DOCK4: variants seen among roughly 807,000 people sequenced by gnomAD.
DOCK4 encodes dedicator of cytokinesis 4.
DOCK4 carries 97 observed loss-of-function variants against 268.1 expected under a neutral mutation model. The ratio of observed to expected loss-of-function variants is 0.36; its 90% CI spans 0.31 to 0.43. The LOEUF (loss-of-function observed/expected upper bound fraction) is 0.43. DOCK4 is among the 20% of genes least tolerant of loss of function. DOCK4 has a pLI of 1.00. For synonymous variants in DOCK4, 954 were observed against 887.2 expected (o/e 1.08, Z -1.34); for missense variants, 2,145 against 2,455.7 (o/e 0.87, Z 2.67).
chr7:111,806,686 C>A (rs1024098461), intron 30 of DOCK4, among the ~76,000 whole-genome samples: 3 of 152,134 alleles, frequency 2.0e-5, no homozygotes, highest in Admixed American at 2.0e-4. Context: ...ATAAGAATCA[C>A]CTGGAAAACT....
rs568114347 is a variant in DOCK4, at chr7:112,113,824, G to A, written c.37+92278C>T. ...TTGTTAGGCTGTTCTCAAACTTCTG[G>A]CCTTAGTGACCCTCCTGCCTTGTCC... is the stretch of plus-strand genomic sequence containing the variant. On this transcript the variant is annotated intron_variant, in intron 1 of 52. Transcript: ENST00000428084. Among the ~76,000 whole-genome samples, 18 of 123,448 alleles carry A rather than the reference G, an allele frequency of 1.5e-4. No homozygotes were observed. In the South Asian group the frequency reaches 4.9e-3, roughly 34 times the overall value. The allele number at this position is 123,448 out of a possible 152,430, so 81.0% of individuals were successfully genotyped here. A position where few individuals can be genotyped will look rare whatever the true frequency, so the allele number is the denominator to read the frequency against.
At chr7:112,042,916 A>C (rs1804516381) in intron 1 of DOCK4, among the ~76,000 whole-genome samples, 3 of 152,172 alleles carry the variant, frequency 2.0e-5, no homozygotes, top group Non-Finnish European at 2.9e-5. Flanking sequence ...GTTGTTACAA[A>C]GCAAGCTCAG....
chr7:112,202,460 G>A (rs1354970661), intron 1 of DOCK4, among the ~76,000 whole-genome samples: 2 of 152,110 alleles, frequency 1.3e-5, no homozygotes, highest in Admixed American at 6.5e-5. Context: ...GTGCTAGAAT[G>A]GATTTTAAAT....
At chr7:112,160,920 G>A (rs1362749027) in intron 1 of DOCK4, among the ~76,000 whole-genome samples, 2 of 152,192 alleles carry the variant, frequency 1.3e-5, no homozygotes, top group South Asian at 2.1e-4. Flanking sequence ...AGCAGGACTC[G>A]AGGCCCCCCA....
At chr7:112,034,771 G>A (rs762568562) in intron 1 of DOCK4, among the ~76,000 whole-genome samples, 19 of 152,194 alleles carry the variant, frequency 1.2e-4, no homozygotes, top group Admixed American at 7.9e-4. Flanking sequence ...GTGTGGTGGC[G>A]TGCACCTGTA....
chr7:111,941,224 G>A (rs534583869), intron 10 of DOCK4, among the ~76,000 whole-genome samples: 10 of 152,250 alleles, frequency 6.6e-5, no homozygotes, highest in Non-Finnish European at 1.5e-4. Context: ...CTGCTTTTCA[G>A]ATGTGCAAAA....
At chr7:111,811,425 T>TA (rs1179435754) in intron 28 of DOCK4, among the ~76,000 whole-genome samples, 2 of 152,166 alleles carry the variant, frequency 1.3e-5, no homozygotes, top group Non-Finnish European at 2.9e-5. Flanking sequence ...CATATCACAT[T>TA]ATATCATAGA....
chr7:111,791,457 G>GT lies in DOCK4; in HGVS notation c.3167-853dup, dbSNP rs934150073. ...TTTTTCTCGAGTGTCTGTTTTTTTT[G>GT]TTTTTTTTTTGACATGGAGTCTTGC... On this transcript the variant is annotated intron_variant, in intron 30 of 52. Coordinates refer to ENST00000428084, the MANE Select transcript of DOCK4 (RefSeq NM_001363540.2). Among the ~76,000 whole-genome samples the GT allele has an allele frequency of 2.7e-3, 395 of 145,260 alleles. 3 individuals carry two copies. The highest frequency in any genetic ancestry group is 3.5e-3 in the Middle Eastern group (1 of 284).
intron 10 of DOCK4, among the ~76,000 whole-genome samples, chr7:111,943,683 C>A (rs1795379921): frequency 1.3e-5 from 2 of 152,030 alleles, no homozygotes; most frequent in African/African-American, 4.8e-5. Flanking sequence ...TTCATAGACT[C>A]ATTTATAAAA....
At chr7:111,905,714 C>T (rs976817251) in intron 13 of DOCK4, among the ~76,000 whole-genome samples, 7 of 130,078 alleles carry the variant, frequency 5.4e-5, no homozygotes, top group East Asian at 4.1e-4. Flanking sequence ...TGTGTGTGCA[C>T]GTGTATTGCG....
intron 14 of DOCK4, 60 bp from the exon 15 acceptor site, chr7:111,900,596 G>C: frequency 6.5e-7 from 1 of 1,535,994 alleles, no homozygotes; most frequent in Non-Finnish European, 8.8e-7. Flanking sequence ...TTTTGAAAAG[G>C]CAGAGCAATC....
chr7:111,862,908 G>A, intron 23 of DOCK4: 1 of 167,152 alleles, frequency 6.0e-6, no homozygotes. Context: ...ATTTATTCGG[G>A]AAAAAAAAAC....
intron 42 of DOCK4, among the ~76,000 whole-genome samples, chr7:111,752,434 T>C (rs1244943958): frequency 6.6e-6 from 1 of 152,078 alleles, no homozygotes; most frequent in Non-Finnish European, 1.5e-5. Flanking sequence ...GTATACAGTA[T>C]TTAGAAAGAG....
At position 111,934,523 on chromosome 7, in the gene DOCK4, GTTTTTTT is replaced by G. The variant is rs1183672033; in HGVS notation, c.1066+1010_1066+1016del. Among the ~76,000 whole-genome samples the G allele has an allele frequency of 2.3e-4, 19 of 83,836 alleles. No individual in the cohort carries two copies. In the East Asian group the frequency reaches 2.6e-3, roughly 11 times the overall value. 55.0% of individuals were successfully genotyped at this position (83,836 alleles called of 152,430 possible). A position where few individuals can be genotyped will look rare whatever the true frequency, so the allele number is the denominator to read the frequency against. On this transcript the variant is annotated intron_variant, in intron 12 of 52. Coordinates refer to ENST00000428084, the MANE Select transcript of DOCK4 (RefSeq NM_001363540.2). ...GCGAAGCATGTTTTGTTTTGTTTTT[GTTTTTTT>G]TTTTTTTTTTTTTTTTTTAGACAGT...
chr7:111,797,814 C>A (rs79245569), intron 30 of DOCK4, among the ~76,000 whole-genome samples: 1 of 152,042 alleles, frequency 6.6e-6, no homozygotes, highest in Non-Finnish European at 1.5e-5. Flanking sequence ...CTGAGAAAGA[C>A]GCTAATAGAA....
intron 8 of DOCK4, among the ~76,000 whole-genome samples, chr7:111,965,105 C>T (rs1797277748): frequency 1.0e-5 from 1 of 96,384 alleles, no homozygotes; most frequent in African/African-American, 7.1e-5. Flanking sequence ...AAAATCATGC[C>T]AAACTGTAAA....
chr7:111,799,764 C>G (rs1403812263), intron 30 of DOCK4, among the ~76,000 whole-genome samples: 1 of 152,172 alleles, frequency 6.6e-6, no homozygotes, highest in East Asian at 1.9e-4. Flanking sequence ...CTCATATTTG[C>G]AAGCAACTTT....
intron 1 of DOCK4, among the ~76,000 whole-genome samples, chr7:112,166,786 T>C (rs1406472304): frequency 6.6e-6 from 1 of 152,126 alleles, no homozygotes; most frequent in Non-Finnish European, 1.5e-5. Context: ...TAGGTGATAA[T>C]AGTTGCATGG....
intron 13 of DOCK4, among the ~76,000 whole-genome samples, chr7:111,913,163 C>T (rs968926941): frequency 6.6e-6 from 1 of 151,684 alleles, no homozygotes; most frequent in Non-Finnish European, 1.5e-5. Context: ...CGGGGTTTCA[C>T]CATGTTGTCC....
Sources: gnomAD v4.1 joint callset for allele counts (sites outside exome capture counted in the v4.1 genomes callset) on GRCh38, gnomAD v4.1.1 for gene constraint, MANE v1.5 for transcripts, NCBI Gene and HGNC (gene_info 2026-07-23, HGNC 2026-07-21) for gene names.